The following BRCA1 variants were observed in gnomAD, a reference collection of about 807,000 sequenced individuals.
The protein encoded by BRCA1 is BRCA1 DNA repair associated.
Under a neutral mutation model 173.7 loss-of-function variants are expected in BRCA1, and 140 were observed. That is an observed-to-expected ratio of 0.81 (90% CI 0.70 to 0.93). BRCA1 has a LOEUF of 0.93. Among genes scored for constraint, BRCA1 ranks in the 40% least tolerant of loss-of-function variants. The probability of loss-of-function intolerance (pLI) is 0.00; values close to 1 mark genes in which losing one functional copy is unlikely to be tolerated. For missense variants in BRCA1, 1,983 were observed against 2,172.5 expected, an observed-to-expected ratio of 0.91 and a Z score of 1.73; for synonymous variants, 662 against 756.0, an observed-to-expected ratio of 0.88 and a Z score of 2.04.
chr17:43,059,664 A>G (rs139650569), intron 18 of BRCA1, among the ~76,000 whole-genome samples: 184 of 152,158 alleles, frequency 1.2e-3, no homozygotes, highest in Middle Eastern at 3.4e-3. Context: ...CACTCCTTCA[A>G]TTTCTCTTTA....
chr17:43,106,593 T>C, intron 3 of BRCA1, 60 bp from the exon 4 acceptor site: 3 of 1,282,808 alleles, frequency 2.3e-6, no homozygotes, highest in South Asian at 1.3e-5. Context: ...GAAAGAATAC[T>C]CAAAAGGCAA....
chr17:43,159,176 G>C (rs1272849647), intron 1 of BRCA1, among the ~76,000 whole-genome samples: 1 of 152,232 alleles, frequency 6.6e-6, no homozygotes, highest in East Asian at 1.9e-4. Flanking sequence ...GCTTGAGCCT[G>C]GCGAGGTTGA....
rs949793708 is a variant in BRCA1, at chr17:43,082,409, T to C, written c.4352A>G (p.Glu1451Gly). 6.8e-6 allele frequency: 11 copies of C among 1,613,770 alleles called. No homozygotes were observed. Among genetic ancestry groups the C allele is most frequent in the Non-Finnish European group, 9.3e-6 (11 of 1,179,732 alleles). The change falls in exon 12 of 23, where the codon GAA becomes GGA. Residue 1451 changes from glutamate to glycine, a missense_variant. Coordinates refer to ENST00000357654, the MANE Select transcript of BRCA1 (RefSeq NM_007294.4). The stretch of plus-strand genomic sequence containing the variant: ...GTTTGGCCAACAATACACACCTTTT[T>C]CTGATGTGCTTTGTTCTGGATTTCG... ...DLRNPEQSTS[E>G]KAVLTSQKSS...
intron 12 of BRCA1, chr17:43,079,451 A>T (rs1336444388): frequency 1.4e-6 from 2 of 1,479,976 alleles, no homozygotes; most frequent in African/African-American, 2.8e-5. Context: ...CTGTTCAAAA[A>T]GGAATGCCCC....
At chr17:43,101,127 T>C (rs2054454829) in intron 6 of BRCA1, among the ~76,000 whole-genome samples, 1 of 151,058 alleles carries the variant, frequency 6.6e-6, no homozygotes, top group African/African-American at 2.4e-5. Flanking sequence ...CCAACATTAC[T>C]TTTTTTTTCC....
At chr17:43,158,838 G>A (rs1047302287) in intron 1 of BRCA1, among the ~76,000 whole-genome samples, 2 of 152,200 alleles carry the variant, frequency 1.3e-5, no homozygotes, top group Non-Finnish European at 2.9e-5. Flanking sequence ...CTAGTAATAA[G>A]TGTTATGGAG....
At chr17:43,064,871 G>C (rs1329800726) in intron 16 of BRCA1, among the ~76,000 whole-genome samples, 7 of 135,652 alleles carry the variant, frequency 5.2e-5, no homozygotes, top group Admixed American at 2.6e-4. Flanking sequence ...TGCTCTGTCA[G>C]CCAGGCTGGA....
chr17:43,143,226 C>A (rs1426603604), intron 1 of BRCA1, among the ~76,000 whole-genome samples: 1 of 151,986 alleles, frequency 6.6e-6, no homozygotes, highest in Non-Finnish European at 1.5e-5. Flanking sequence ...CAGGCATAAA[C>A]CACCATGCCC....
chr17:43,151,570 C>T (rs2056162048), intron 1 of BRCA1, among the ~76,000 whole-genome samples: 3 of 152,102 alleles, frequency 2.0e-5, no homozygotes, highest in South Asian at 2.1e-4. Flanking sequence ...CATCTTTGTG[C>T]TAAAAGTTTT....
rs117230992 is a variant in BRCA1, at chr17:43,099,245, A to G, written c.547+530T>C. Reference sequence around the variant, plus strand: ...ATCTTTCCAAAACATATTTACACATATTTAAAACCAGATATTCTTTCTTTT... The same window carrying G: ...ATCTTTCCAAAACATATTTACACATGTTTAAAACCAGATATTCTTTCTTTT... On this transcript the variant is annotated intron_variant, in intron 7 of 22. Transcript: ENST00000357654. 1.2e-4 allele frequency among the ~76,000 whole-genome samples: 18 copies of G among 151,222 alleles called. No homozygotes were observed. The East Asian group carries it at 3.3e-3, about 28-fold the overall frequency.
intron 16 of BRCA1, among the ~76,000 whole-genome samples, chr17:43,066,082 T>C (rs1240913422): frequency 2.0e-5 from 3 of 152,218 alleles, no homozygotes; most frequent in Non-Finnish European, 2.9e-5. Context: ...AGTGGGGCTC[T>C]GGATCTGTAC....
upstream of BRCA1, among the ~76,000 whole-genome samples, chr17:43,127,200 G>A (rs1019585822): frequency 2.6e-5 from 4 of 152,262 alleles, no homozygotes; most frequent in African/African-American, 9.6e-5. Flanking sequence ...GGGCTGAGAG[G>A]AGTGCAGGCG....
intron 2 of BRCA1, among the ~76,000 whole-genome samples, chr17:43,123,324 C>T (rs906553287): frequency 1.0e-4 from 15 of 146,920 alleles, no homozygotes; most frequent in African/African-American, 3.2e-4. Context: ...AAATACCTAT[C>T]CTCTCAACGA....
At chr17:43,066,002 C>T (rs1336085253) in intron 16 of BRCA1, among the ~76,000 whole-genome samples, 1 of 152,160 alleles carries the variant, frequency 6.6e-6, no homozygotes, top group Admixed American at 6.5e-5. Context: ...TGTCAGTGAC[C>T]ATGTTAAAAA....
rs2054066333 is a variant in BRCA1, at chr17:43,094,850, T to G, written c.681A>C (p.Glu227Asp). 1 of 1,611,716 alleles carries G rather than the reference T, an allele frequency of 6.2e-7. No homozygotes were observed. The highest frequency in any genetic ancestry group is 1.1e-5 in the South Asian group (1 of 90,788). ...TATTTGTTACATCCGTCTCAGAAAATTCACAAGCAGCTGAAAATATACAAA... is the reference window on the plus strand; with the variant it reads ...TATTTGTTACATCCGTCTCAGAAAAGTCACAAGCAGCTGAAAATATACAAA... ...SLDSAKKAACEFSETDVTNTE... is the reference protein window; with the variant it reads ...SLDSAKKAACDFSETDVTNTE... Residue 227 changes from glutamate to aspartate, a missense_variant, in exon 10 of 23, where the codon GAA (glutamate) becomes GAC (aspartate). Glu to Asp is a conservative substitution (Grantham distance 45, BLOSUM62 2). Transcript: ENST00000357654.
At chr17:43,146,277 G>A (rs1411838036) in intron 1 of BRCA1, among the ~76,000 whole-genome samples, 3 of 145,884 alleles carry the variant, frequency 2.1e-5, no homozygotes, top group East Asian at 2.0e-4. Context: ...ATTACAGTAC[G>A]TGGCTTTTTA....
At chr17:43,130,789 G>A (rs1438485725) in intron 1 of BRCA1, among the ~76,000 whole-genome samples, 1 of 152,174 alleles carries the variant, frequency 6.6e-6, no homozygotes, top group Non-Finnish European at 1.5e-5. Context: ...TTTATGTCTA[G>A]TAATGGGCCA....
chr17:43,082,881 G>T, intron 11 of BRCA1: 2 of 395,934 alleles, frequency 5.1e-6, no homozygotes, highest in South Asian at 5.6e-5. Flanking sequence ...AAATAATTAA[G>T]GCATTTAAAC....
At chr17:43,068,623 C>T (rs2052253840) in intron 15 of BRCA1, among the ~76,000 whole-genome samples, 1 of 151,824 alleles carries the variant, frequency 6.6e-6, no homozygotes, top group Non-Finnish European at 1.5e-5. Flanking sequence ...CATTCGATTC[C>T]CTAAGATCGT....
Sources: gnomAD v4.1 joint callset for allele counts (sites outside exome capture counted in the v4.1 genomes callset) on GRCh38, gnomAD v4.1.1 for gene constraint, MANE v1.5 for transcripts, NCBI Gene and HGNC (gene_info 2026-07-23, HGNC 2026-07-21) for gene names.